Variants in ABCA4 observed in about 807,000 individuals in gnomAD.
ABCA4 encodes retinal-specific phospholipid-transporting ATPase ABCA4.
ABCA4 carries 196 observed loss-of-function variants against 263.7 expected under a neutral mutation model. The observed-to-expected ratio is 0.74, with a 90% CI of 0.66 to 0.84. The LOEUF (loss-of-function observed/expected upper bound fraction) is 0.84, where lower values mean the gene tolerates loss of function less well. ABCA4 is among the 40% of genes least tolerant of loss of function. The pLI, the probability that ABCA4 is intolerant of heterozygous loss-of-function variation, is 0.00. For missense variants in ABCA4, 2,792 were observed against 2,855.1 expected, an observed-to-expected ratio of 0.98 and a Z score of 0.50; for synonymous variants, 1,133 against 1,094.2, an observed-to-expected ratio of 1.04 and a Z score of -0.70.
At chr1:94,112,597 A>G (rs937762280) in intron 2 of ABCA4, among the ~76,000 whole-genome samples, 1 of 152,196 alleles carries the variant, frequency 6.6e-6, no homozygotes, top group Non-Finnish European at 1.5e-5. Flanking sequence ...CAGGAGTTCA[A>G]GACCAGCCCG....
Position 94,001,979 on chromosome 1 carries a change from C to A in ABCA4, c.6161G>T (p.Ser2054Ile). 4 of 1,614,186 alleles carry A rather than the reference C, an allele frequency of 2.5e-6. No individual in the cohort carries two copies. Among genetic ancestry groups the A allele is most frequent in the Non-Finnish European group, 1.7e-6 (2 of 1,180,026 alleles). ...GACAGTCAGGCCCAGGCTCTTAATACTCCAGTTTGCAACCTAGGGAAGAGA... is the reference window on the plus strand; with the variant it reads ...GACAGTCAGGCCCAGGCTCTTAATAATCCAGTTTGCAACCTAGGGAAGAGA... ...AEEIEKVANW[S>I]IKSLGLTVYA... Residue 2054 changes from serine to isoleucine, a missense_variant, in exon 45 of 50, where the codon AGT (serine) becomes ATT (isoleucine). Coordinates refer to ENST00000370225, the MANE Select transcript of ABCA4 (RefSeq NM_000350.3).
chr1:94,008,147 A>G, intron 42 of ABCA4, 88 bp downstream of exon 42: 1 of 1,223,780 alleles, frequency 8.2e-7, no homozygotes, highest in Non-Finnish European at 1.2e-6. Context: ...TTATGTTCCT[A>G]TTGAATAGCT....
intron 36 of ABCA4, among the ~76,000 whole-genome samples, chr1:94,018,249 A>C (rs953332031): frequency 1.3e-5 from 2 of 152,208 alleles, no homozygotes; most frequent in African/African-American, 4.8e-5. Context: ...CAAGTGTGTA[A>C]ATTCTATTTC....
chr1:94,049,336 T>G (rs1183471372), intron 17 of ABCA4, among the ~76,000 whole-genome samples: 1 of 152,220 alleles, frequency 6.6e-6, no homozygotes, highest in East Asian at 1.9e-4. Context: ...AGTAAAAGTC[T>G]ATTCAGGGGC....
Position 94,063,199 on chromosome 1 carries a change from G to T in ABCA4, c.1673C>A (p.Pro558His). Residue 558 changes from proline to histidine, a missense_variant, in exon 12 of 50, where the codon CCC (proline) becomes CAC (histidine). Coordinates refer to ENST00000370225, the MANE Select transcript of ABCA4 (RefSeq NM_000350.3). ...GTGGGGTGGTAGAGAGCTGGTCCAG[G>T]GATACATGTCAGGGAATACCACTCC... The part of the protein sequence containing the change: ...WAGVVFPDMY[P>H]WTSSLPPHVK... The T allele has an allele frequency of 6.2e-7, 1 of 1,614,092 alleles. No individual in the cohort carries two copies. Among genetic ancestry groups the T allele is most frequent in the Non-Finnish European group, 8.5e-7 (1 of 1,180,008 alleles).
In ABCA4 at chr1:94,041,253, C is replaced by A. The variant is rs747634650; in HGVS notation, c.3478G>T (p.Val1160Leu). The A allele has an allele frequency of 6.2e-7, 1 of 1,614,158 alleles. No homozygotes were observed. The highest frequency in any genetic ancestry group is 2.2e-5 in the East Asian group (1 of 44,872). The change falls in exon 23 of 50, where the codon GTG becomes TTG. Residue 1160 changes from valine (V) to leucine (L), a missense_variant. Transcript: ENST00000370225. ...CFGTGLYLTL[V>L]RKMKNIQSQR... is the part of the protein sequence containing the mutation. The stretch of plus-strand genomic sequence containing the variant: ...CTCTGGATGTTTTTCATCTTGCGCA[C>A]CAAGGTTAAGTACAAGCCTGTGCCA...
chr1:94,046,002 C>T (rs1324323431), intron 19 of ABCA4: 2 of 453,610 alleles, frequency 4.4e-6, no homozygotes, highest in Admixed American at 4.7e-5. Context: ...GCCTTCCCTG[C>T]CCTGACCTTC....
Position 94,062,342 on chromosome 1 carries a change from A to AGCTACAACATCAACTCTTTTCCC in ABCA4, c.1937+212_1937+234dup, listed in dbSNP as rs561968517. On this transcript the variant is annotated intron_variant, in intron 13 of 49. Coordinates refer to ENST00000370225, the MANE Select transcript of ABCA4 (RefSeq NM_000350.3). ...CTTTAATTTTCCCCTTCCCTTTTCCAGCTACAACATCAACTCTTTTCCCTT... is the reference window on the plus strand; with the variant it reads ...CTTTAATTTTCCCCTTCCCTTTTCCAGCTACAACATCAACTCTTTTCCCGCTACAACATCAACTCTTTTCCCTT... Among the ~76,000 whole-genome samples the AGCTACAACATCAACTCTTTTCCC allele has an allele frequency of 1.6e-4, 24 of 151,872 alleles. No individual in the cohort carries two copies. The East Asian group carries it at 4.4e-3, about 28-fold the overall frequency.
At chr1:94,027,564 A>G (rs552505703) in intron 30 of ABCA4, among the ~76,000 whole-genome samples, 1 of 152,348 alleles carries the variant, frequency 6.6e-6, no homozygotes, top group South Asian at 2.1e-4. Context: ...GCTGTGATTC[A>G]AAGAGAGAAA....
intron 11 of ABCA4, among the ~76,000 whole-genome samples, chr1:94,068,333 A>G (rs1661324930): frequency 6.6e-6 from 1 of 152,186 alleles, no homozygotes; most frequent in Non-Finnish European, 1.5e-5. Context: ...AGGTAGAGCA[A>G]TTGTAGAAGC....
chr1:94,092,422 T>G (rs966161262), intron 6 of ABCA4, among the ~76,000 whole-genome samples: 1 of 152,204 alleles, frequency 6.6e-6, no homozygotes, highest in East Asian at 1.9e-4. Flanking sequence ...TCTTGCAAAC[T>G]GACAGTTGTT....
chr1:94,024,893 T>C, intron 31 of ABCA4, 61 bp downstream of exon 31: 1 of 1,383,972 alleles, frequency 7.2e-7, no homozygotes, highest in South Asian at 1.2e-5. Flanking sequence ...TTATCTTCTG[T>C]CCCTAGTTAA....
At chr1:94,031,662 TAA>T in intron 27 of ABCA4, 114 bp downstream of exon 27, 1 of 1,384,982 alleles carries the variant, frequency 7.2e-7, no homozygotes, top group South Asian at 1.2e-5. Context: ...CAGCAGAATC[TAA>T]AGAGGGTGCT....
Position 94,062,825 on chromosome 1 carries a change from T to C in ABCA4, c.1761-72A>G. On this transcript the variant is annotated intron_variant, in intron 12 of 49. Transcript: ENST00000370225. Reference sequence around the variant, plus strand: ...TCACTCACACCTCCCGACCACAGGGTGACTCGGAACTCATTCTCTTAAAAT... The same window carrying C: ...TCACTCACACCTCCCGACCACAGGGCGACTCGGAACTCATTCTCTTAAAAT... 6 of 1,498,108 alleles carry C rather than the reference T, an allele frequency of 4.0e-6. No homozygotes were observed. The South Asian group carries it at 7.0e-5, about 18-fold the overall frequency. The allele number at this position is 1,498,108 out of a possible 1,614,324, so 92.8% of individuals were successfully genotyped here. A position where few individuals can be genotyped will look rare whatever the true frequency, so the allele number is the denominator to read the frequency against.
chr1:94,028,150 C>T (rs1660088355), intron 30 of ABCA4, among the ~76,000 whole-genome samples: 1 of 152,132 alleles, frequency 6.6e-6, no homozygotes, highest in Non-Finnish European at 1.5e-5. Context: ...TCAAGTAGTC[C>T]ACCTGGGGCT....
chr1:94,005,396 G>A (rs780490170), intron 44 of ABCA4, 45 bp downstream of exon 44: 47 of 1,612,856 alleles, frequency 2.9e-5, no homozygotes, highest in Non-Finnish European at 3.6e-5. Context: ...AAACAGGCTT[G>A]TAATTAACCA....
In ABCA4 at chr1:94,056,772, C is replaced by A; in HGVS notation, c.2211G>T (p.Leu737Phe). 1 of 1,613,136 alleles carries A rather than the reference C, an allele frequency of 6.2e-7. No homozygotes were observed. Among genetic ancestry groups the A allele is most frequent in the Non-Finnish European group, 8.5e-7 (1 of 1,179,508 alleles). ...TGATGGTGGCAGTGGAGAAAGCCAA[C>A]AAGAACAGGAAGAGGATGAATGGGT... ...YSDPFILFLF[L>F]LAFSTATIML... Residue 737 changes from leucine to phenylalanine, a missense_variant, in exon 15 of 50, where the codon TTG becomes TTT. Coordinates refer to ENST00000370225, the MANE Select transcript of ABCA4 (RefSeq NM_000350.3).
At chr1:94,037,387 T>C in intron 24 of ABCA4, 37 bp from the exon 25 acceptor site, 2 of 1,596,316 alleles carry the variant, frequency 1.3e-6, no homozygotes, top group South Asian at 1.1e-5. Context: ...AGCTCTGTTT[T>C]CCAGAAACTG....
Position 94,005,577 on chromosome 1 carries a change from A to G in ABCA4, c.6011T>C (p.Leu2004Ser). 6.2e-7 allele frequency: 1 copy of G among 1,613,998 alleles called. No homozygotes were observed. Among genetic ancestry groups the G allele is most frequent in the Non-Finnish European group, 8.5e-7 (1 of 1,179,848 alleles). ...TTGATGGACTTCAGAAATATTGGTT[A>G]AAATACTGCAAGAAAAAAAGCAATT... ...GDATVAGKSI[L>S]TNISEVHQNM... is the part of the protein sequence containing the mutation. The change falls in exon 44 of 50, where the codon TTA becomes TCA. Residue 2004 changes from leucine (L) to serine (S), a missense_variant. Leu to Ser is a moderately radical substitution (Grantham distance 145). Transcript: ENST00000370225.
Sources: gnomAD v4.1 joint callset for allele counts (sites outside exome capture counted in the v4.1 genomes callset) on GRCh38, gnomAD v4.1.1 for gene constraint, MANE v1.5 for transcripts, NCBI Gene and HGNC (gene_info 2026-07-23, HGNC 2026-07-21) for gene names.